Variants in COP1 observed in about 807,000 individuals in gnomAD.
The protein encoded by COP1 is E3 ubiquitin-protein ligase COP1.
In COP1, 24 loss-of-function variants were observed where a neutral mutation model predicts 101.3. The observed-to-expected ratio is 0.24, with a 90% confidence interval of 0.17 to 0.33. COP1 has a LOEUF of 0.33. Ranked by LOEUF, COP1 falls within the 10% of genes least tolerant of loss-of-function variation. COP1 has a pLI of 1.00. For missense variants in COP1, 663 were observed against 906.2 expected, an observed-to-expected ratio of 0.73 and a Z score of 3.45; for synonymous variants, 347 against 341.9, an observed-to-expected ratio of 1.01 and a Z score of -0.17.
At chr1:175,948,534 A>G (rs1023757648) in intron 18 of COP1, among the ~76,000 whole-genome samples, 1 of 152,262 alleles carries the variant, frequency 6.6e-6, no homozygotes, top group Non-Finnish European at 1.5e-5. Flanking sequence ...TGTATGTTAG[A>G]AAAGTTACTT....
chr1:176,108,493 C>T (rs1281928064), intron 9 of COP1, among the ~76,000 whole-genome samples: 1 of 152,048 alleles, frequency 6.6e-6, no homozygotes, highest in Non-Finnish European at 1.5e-5. Context: ...TAGCATTGAT[C>T]ACATGTATAT....
intron 9 of COP1, among the ~76,000 whole-genome samples, chr1:176,101,223 C>T (rs1247449783): frequency 6.7e-6 from 1 of 150,174 alleles, no homozygotes; most frequent in African/African-American, 2.4e-5. Flanking sequence ...TGGTGGGACT[C>T]GGGATCCAAG....
intron 12 of COP1, 76 bp downstream of exon 12, chr1:176,046,104 TA>T: frequency 1.7e-6 from 2 of 1,196,306 alleles, no homozygotes; most frequent in Non-Finnish European, 2.4e-6. Flanking sequence ...CATGCAAAGG[TA>T]AAATAATCTC....
At chr1:176,185,691 T>C (rs546353389) in intron 1 of COP1, among the ~76,000 whole-genome samples, 45 of 152,344 alleles carry the variant, frequency 3.0e-4, no homozygotes, top group African/African-American at 1.0e-3. Flanking sequence ...GACAAAAACC[T>C]TAAGCTAGGA....
chr1:176,096,649 G>A (rs908500988), intron 9 of COP1, among the ~76,000 whole-genome samples: 5 of 152,122 alleles, frequency 3.3e-5, no homozygotes, highest in African/African-American at 1.2e-4. Flanking sequence ...CCTATTAGCA[G>A]TTAACTTTTA....
intron 5 of COP1, among the ~76,000 whole-genome samples, chr1:176,156,849 T>C (rs1016528312): frequency 2.6e-5 from 4 of 152,100 alleles, no homozygotes; most frequent in Admixed American, 1.3e-4. Flanking sequence ...ACAATTATAA[T>C]AATAACAGTA....
At chr1:175,948,489 C>A (rs1428287561) in intron 18 of COP1, among the ~76,000 whole-genome samples, 1 of 152,174 alleles carries the variant, frequency 6.6e-6, no homozygotes, top group Non-Finnish European at 1.5e-5. Context: ...GGCTTCATGA[C>A]AAAGCAATAA....
chr1:176,100,261 C>A (rs932107996), intron 9 of COP1: 1 of 239,330 alleles, frequency 4.2e-6, no homozygotes, highest in Non-Finnish European at 8.7e-6. Context: ...TGGAGGCAGG[C>A]GCCGGTAATC....
At chr1:176,041,719 A>T (rs1457402231) in intron 14 of COP1, among the ~76,000 whole-genome samples, 2 of 152,068 alleles carry the variant, frequency 1.3e-5, no homozygotes, top group African/African-American at 4.8e-5. Context: ...TAATTCCAGC[A>T]CTTTGGGAAG....
chr1:176,075,798 T>A (rs1261524981), intron 11 of COP1, among the ~76,000 whole-genome samples: 2 of 151,190 alleles, frequency 1.3e-5, no homozygotes, highest in Non-Finnish European at 2.9e-5. Context: ...AGGTCAGGAG[T>A]TCGAGACCAG....
intron 1 of COP1, among the ~76,000 whole-genome samples, chr1:176,204,470 G>A (rs1335514040): frequency 6.6e-6 from 1 of 152,072 alleles, no homozygotes; most frequent in South Asian, 2.1e-4. Context: ...AAGAAAAAAA[G>A]GATTCCTTGG....
At chr1:176,058,100 G>C (rs1228868848) in intron 11 of COP1, among the ~76,000 whole-genome samples, 8 of 125,304 alleles carry the variant, frequency 6.4e-5, no homozygotes, top group African/African-American at 1.9e-4. Flanking sequence ...GTCAGCCCCC[G>C]CCCGGCCAGC....
At chr1:176,001,781 G>T (rs989446777) in intron 15 of COP1, among the ~76,000 whole-genome samples, 2 of 151,976 alleles carry the variant, frequency 1.3e-5, no homozygotes, top group African/African-American at 4.8e-5. Context: ...TTATGGGGTA[G>T]GTCTCCTGAC....
At chr1:176,140,607 G>C (rs569870318) in intron 6 of COP1, among the ~76,000 whole-genome samples, 10 of 152,018 alleles carry the variant, frequency 6.6e-5, no homozygotes, top group Non-Finnish European at 1.5e-4. Context: ...AGAAGAAATG[G>C]GCTAAATTCA....
chr1:176,205,055 G>A (rs756020418), intron 1 of COP1, among the ~76,000 whole-genome samples: 3 of 152,200 alleles, frequency 2.0e-5, no homozygotes, highest in African/African-American at 7.2e-5. Context: ...GAATGACAAT[G>A]ATCGATTCCT....
intron 3 of COP1, among the ~76,000 whole-genome samples, chr1:176,165,360 TC>T (rs748753445): frequency 5.8e-5 from 6 of 104,304 alleles, no homozygotes; most frequent in Non-Finnish European, 1.3e-4. Flanking sequence ...GAGATGTGTG[TC>T]GTGTGTGTGT....
At chr1:176,176,889 T>C (rs1198889871) in intron 2 of COP1, among the ~76,000 whole-genome samples, 2 of 152,176 alleles carry the variant, frequency 1.3e-5, no homozygotes, top group Non-Finnish European at 2.9e-5. Flanking sequence ...CAACTACTGT[T>C]ACAGAAAATG....
intron 18 of COP1, among the ~76,000 whole-genome samples, chr1:175,951,359 G>A (rs1649867540): frequency 6.7e-6 from 1 of 148,348 alleles, no homozygotes; most frequent in African/African-American, 2.5e-5. Flanking sequence ...CATAGAGATA[G>A]ATGTAACTGA....
intron 8 of COP1, among the ~76,000 whole-genome samples, chr1:176,134,398 AACAC>A (rs1223403325): frequency 1.3e-5 from 2 of 152,024 alleles, no homozygotes; most frequent in Non-Finnish European, 2.9e-5. Context: ...CTAAAAGGGA[AACAC>A]ACACATTCAC....
Sources: gnomAD v4.1 joint callset for allele counts (sites outside exome capture counted in the v4.1 genomes callset) on GRCh38, gnomAD v4.1.1 for gene constraint, MANE v1.5 for transcripts, NCBI Gene and HGNC (gene_info 2026-07-23, HGNC 2026-07-21) for gene names.